The following CSMD1 variants were observed in gnomAD, a reference collection of about 807,000 sequenced individuals.
CSMD1 encodes the protein CUB and Sushi multiple domains 1, also known as CUB and sushi domain-containing protein 1.
A neutral mutation model predicts 417.5 loss-of-function variants in CSMD1; 213 were observed. The observed-to-expected ratio is 0.51, with a 90% CI of 0.46 to 0.57. CSMD1 has a LOEUF of 0.57. CSMD1 is among the 20% of genes least tolerant of loss of function. The pLI, the probability that CSMD1 is intolerant of heterozygous loss-of-function variation, is 0.00. For missense variants in CSMD1, 6,923 were observed against 4,529.7 expected (o/e 1.53, Z -15.17); for synonymous variants, 2,862 against 1,736.8 (o/e 1.65, Z -16.11).
chr8:3,889,178 G>A (rs562983435), intron 5 of CSMD1, among the ~76,000 whole-genome samples: 3 of 151,834 alleles, frequency 2.0e-5, no homozygotes, highest in East Asian at 3.9e-4. Context: ...GTGTGACGAT[G>A]CAAGATTCGA....
intron 26 of CSMD1, among the ~76,000 whole-genome samples, chr8:3,274,201 G>T (rs979144326): frequency 1.3e-5 from 2 of 151,602 alleles, no homozygotes; most frequent in African/African-American, 2.4e-5. Flanking sequence ...TAGTCATTCA[G>T]GAGCAGGTTG....
intron 2 of CSMD1, among the ~76,000 whole-genome samples, chr8:4,467,337 C>T (rs1401808498): frequency 6.6e-6 from 1 of 152,088 alleles, no homozygotes; most frequent in Non-Finnish European, 1.5e-5. Context: ...TGACCCATTA[C>T]TGAATGTGTA....
intron 1 of CSMD1, among the ~76,000 whole-genome samples, chr8:4,733,126 T>C (rs936104743): frequency 1.3e-5 from 2 of 152,212 alleles, no homozygotes; most frequent in African/African-American, 2.4e-5. Flanking sequence ...CAACCATTCA[T>C]TCCTTCATTT....
At chr8:4,316,681 A>AG (rs572555249) in intron 3 of CSMD1, among the ~76,000 whole-genome samples, 114 of 151,632 alleles carry the variant, frequency 7.5e-4, no homozygotes, top group African/African-American at 1.0e-3. Context: ...ATGCAAACTA[A>AG]GGGGGGGGCT....
chr8:4,221,605 C>T (rs1801035674), intron 3 of CSMD1, among the ~76,000 whole-genome samples: 1 of 152,100 alleles, frequency 6.6e-6, no homozygotes, highest in Non-Finnish European at 1.5e-5. Flanking sequence ...AAAAAAAAGA[C>T]CTCTGAGAAT....
intron 2 of CSMD1, among the ~76,000 whole-genome samples, chr8:4,631,326 C>T (rs569031526): frequency 8.6e-5 from 13 of 151,862 alleles, no homozygotes; most frequent in South Asian, 4.2e-4. Flanking sequence ...CCTGCCACCA[C>T]GCTCCAGCCT....
intron 1 of CSMD1, among the ~76,000 whole-genome samples, chr8:4,904,211 C>T (rs1226163663): frequency 6.6e-6 from 1 of 152,166 alleles, no homozygotes. Flanking sequence ...GACCAACCAT[C>T]ACCTAAAATT....
chr8:4,012,769 C>G (rs769524567), intron 4 of CSMD1, among the ~76,000 whole-genome samples: 1 of 152,144 alleles, frequency 6.6e-6, no homozygotes, highest in Non-Finnish European at 1.5e-5. Flanking sequence ...TTTCCATTTT[C>G]AAATCTGCAA....
At position 4,802,395 on chromosome 8, in the gene CSMD1, A is replaced by T. The variant is rs191740355; in HGVS notation, c.86-164837T>A. ...TGTGTGTGTAGGGATAGTGAGAAGC[A>T]TCCCCGTGGTTAACTTAACTTTGGG... On this transcript the variant is annotated intron_variant, in intron 1 of 69. Transcript: ENST00000635120. Among the ~76,000 whole-genome samples the T allele has an allele frequency of 5.8e-3, 883 of 151,874 alleles. 9 individuals are homozygous for T. The highest frequency in any genetic ancestry group is 0.021 in the African/African-American group (857 of 41,394).
At chr8:4,539,438 T>C (rs1216600682) in intron 2 of CSMD1, among the ~76,000 whole-genome samples, 1 of 152,190 alleles carries the variant, frequency 6.6e-6, no homozygotes, top group African/African-American at 2.4e-5. Flanking sequence ...TTTTAGTCAG[T>C]CTTCAAAAAC....
At chr8:4,903,232 C>G (rs568647838) in intron 1 of CSMD1, among the ~76,000 whole-genome samples, 2 of 152,278 alleles carry the variant, frequency 1.3e-5, no homozygotes, top group Admixed American at 1.3e-4. Flanking sequence ...CAACCCTGCA[C>G]TTACAGCCAG....
intron 1 of CSMD1, among the ~76,000 whole-genome samples, chr8:4,777,561 G>A (rs1190658256): frequency 6.6e-6 from 1 of 152,196 alleles, no homozygotes; most frequent in Non-Finnish European, 1.5e-5. Context: ...CAGAGCTGTT[G>A]TTCCTTATCA....
chr8:3,230,184 T>A lies in CSMD1; in HGVS notation c.4201A>T (p.Thr1401Ser). The A allele has an allele frequency of 6.2e-7, 1 of 1,611,740 alleles. No individual in the cohort carries two copies. Among genetic ancestry groups the A allele is most frequent in the Non-Finnish European group, 8.5e-7 (1 of 1,178,850 alleles). Residue 1401 changes from threonine to serine, a missense_variant, in exon 27 of 70, where the codon ACC (threonine) becomes TCC (serine). Coordinates refer to ENST00000635120, the MANE Select transcript of CSMD1 (RefSeq NM_033225.6). ...CNDPGMPQNGTRYGDSREAGD... is the reference protein window; with the variant it reads ...CNDPGMPQNGSRYGDSREAGD... ...GCCTCTCTGCTGTCTCCATAGCGGG[T>A]GCCATTTTGGGGCATACCTGGATCG...
intron 5 of CSMD1, among the ~76,000 whole-genome samples, chr8:3,993,665 G>A (rs1381757661): frequency 6.6e-6 from 1 of 152,154 alleles, no homozygotes; most frequent in African/African-American, 2.4e-5. Context: ...GAAAAATAGA[G>A]CTTACACCTT....
chr8:3,158,893 G>A (rs969273866), intron 38 of CSMD1, among the ~76,000 whole-genome samples: 1 of 152,056 alleles, frequency 6.6e-6, no homozygotes, highest in Admixed American at 6.5e-5. Context: ...CACTGGGAAC[G>A]CATCAAACAA....
intron 7 of CSMD1, among the ~76,000 whole-genome samples, chr8:3,664,770 C>T (rs1585040063): frequency 1.3e-5 from 2 of 152,170 alleles, no homozygotes; most frequent in African/African-American, 2.4e-5. Context: ...ATAAAGAGTA[C>T]ATCCTGACAC....
At position 4,201,898 on chromosome 8, in the gene CSMD1, G is replaced by GGC. The variant is rs1554492010; in HGVS notation, c.416-169801_416-169800dup. Reference sequence around the variant, plus strand: ...ATACATGGAAATTTTGGGGGGGGGGGGCGCTGCATTCATTTGCCATGCTCA... The same window carrying GGC: ...ATACATGGAAATTTTGGGGGGGGGGGGCGCGCTGCATTCATTTGCCATGCTCA... On this transcript the variant is annotated intron_variant, in intron 3 of 69. Transcript: ENST00000635120. Among the ~76,000 whole-genome samples the GGC allele has an allele frequency of 6.8e-4, 99 of 146,132 alleles. 2 individuals are homozygous for GGC. Among genetic ancestry groups the GGC allele is most frequent in the African/African-American group, 2.5e-3 (97 of 38,438 alleles).
Position 4,232,183 on chromosome 8 carries a change from G to C in CSMD1, c.415+187770C>G, listed in dbSNP as rs376697372. 3.9e-5 allele frequency among the ~76,000 whole-genome samples: 6 copies of C among 152,070 alleles called. No homozygotes were observed. In the East Asian group the frequency reaches 7.7e-4, roughly 20 times the overall value. ...AATCCAAGTGTATTGAGAAACACTTGTCCTTTATTTATTTGTTTTTATTTA... is the reference window on the plus strand; with the variant it reads ...AATCCAAGTGTATTGAGAAACACTTCTCCTTTATTTATTTGTTTTTATTTA... On this transcript the variant is annotated intron_variant, in intron 3 of 69. Coordinates refer to ENST00000635120, the MANE Select transcript of CSMD1 (RefSeq NM_033225.6).
intron 3 of CSMD1, among the ~76,000 whole-genome samples, chr8:4,165,455 G>C (rs188251206): frequency 6.6e-6 from 1 of 152,210 alleles, no homozygotes; most frequent in African/African-American, 2.4e-5. Flanking sequence ...CGCCCAGGCT[G>C]AGTGCAATGG....
Sources: gnomAD v4.1 joint callset for allele counts (sites outside exome capture counted in the v4.1 genomes callset) on GRCh38, gnomAD v4.1.1 for gene constraint, MANE v1.5 for transcripts, NCBI Gene and HGNC (gene_info 2026-07-23, HGNC 2026-07-21) for gene names.